Variants in GNAO1 observed in about 807,000 individuals in gnomAD.
GNAO1 encodes G protein subunit alpha o1.
For missense variants in GNAO1, 166 were observed against 478.7 expected (o/e 0.35, Z 6.10); for synonymous variants, 164 against 180.7 (o/e 0.91, Z 0.74).
chr16:56,263,067 G>A (rs1006837279), intron 2 of GNAO1, among the ~76,000 whole-genome samples: 7 of 152,342 alleles, frequency 4.6e-5, no homozygotes, highest in Admixed American at 3.3e-4. Context: ...TGAAGGAGGG[G>A]AACCCATGCC....
chr16:56,197,718 G>C (rs2036246563), intron 2 of GNAO1, among the ~76,000 whole-genome samples: 1 of 152,220 alleles, frequency 6.6e-6, no homozygotes, highest in African/African-American at 2.4e-5. Flanking sequence ...CAGAGTGGGA[G>C]TGTGTCTTGT....
At chr16:56,280,732 A>G (rs1176115344) in intron 3 of GNAO1, among the ~76,000 whole-genome samples, 1 of 152,142 alleles carries the variant, frequency 6.6e-6, no homozygotes, top group African/African-American at 2.4e-5. Flanking sequence ...GGGCCTGGTG[A>G]TTAATTGGCT....
chr16:56,192,735 C>CAT, intron 2 of GNAO1, 119 bp downstream of exon 2: 1 of 672,656 alleles, frequency 1.5e-6, no homozygotes, highest in Non-Finnish European at 2.7e-6. Context: ...TGCACACACA[C>CAT]ACACACACAC....
intron 2 of GNAO1, among the ~76,000 whole-genome samples, chr16:56,211,933 T>C (rs1422580605): frequency 1.3e-5 from 2 of 152,086 alleles, no homozygotes; most frequent in Admixed American, 1.3e-4. Context: ...CTTCACAGGG[T>C]GACTGTAAAT....
At chr16:56,345,678 G>C (rs746980962) in intron 6 of GNAO1, 50 of 985,566 alleles carry the variant, frequency 5.1e-5, no homozygotes, top group Non-Finnish European at 5.8e-5. Flanking sequence ...GGACGTGGCA[G>C]AGGACAGGCC....
At position 56,276,050 on chromosome 16, in the gene GNAO1, A is replaced by C; in HGVS notation, c.281A>C (p.Glu94Ala). ...CGGGCCATGGACACTTTGGGCATCG[A>C]ATATGGTGATAAGGAGAGAAAGGTA... is the stretch of plus-strand genomic sequence containing the variant. ...IVRAMDTLGI[E>A]YGDKERKADA... is the part of the protein sequence containing the mutation. The change falls in exon 3 of 9, where the codon GAA (glutamate) becomes GCA (alanine). Residue 94 changes from glutamate (E) to alanine (A), a missense_variant. By Grantham distance (107) the Glu-to-Ala change is moderately radical (BLOSUM62 -1). Coordinates refer to ENST00000262493, the MANE Select transcript of GNAO1 (RefSeq NM_020988.3). The C allele has an allele frequency of 6.2e-7, 1 of 1,614,024 alleles. No individual in the cohort carries two copies. The highest frequency in any genetic ancestry group is 8.5e-7 in the Non-Finnish European group (1 of 1,179,946).
intron 2 of GNAO1, among the ~76,000 whole-genome samples, chr16:56,195,713 G>T (rs1307724507): frequency 2.0e-5 from 3 of 152,184 alleles, no homozygotes; most frequent in Non-Finnish European, 4.4e-5. Flanking sequence ...ATTTCCTAAT[G>T]GGGGGCTGCA....
At chr16:56,341,008 A>G in intron 6 of GNAO1, 1 of 1,606,496 alleles carries the variant, frequency 6.2e-7, no homozygotes. Flanking sequence ...CTCCAGGGAC[A>G]GCAGGCCCCC....
intron 2 of GNAO1, among the ~76,000 whole-genome samples, chr16:56,204,935 T>A (rs187747396): frequency 5.6e-4 from 85 of 152,310 alleles, no homozygotes; most frequent in Non-Finnish European, 1.1e-3. Context: ...CTTGAGGTCA[T>A]AATTTATATC....
intron 6 of GNAO1, chr16:56,341,111 C>T (rs1567491507): frequency 1.3e-6 from 1 of 757,874 alleles, no homozygotes; most frequent in Non-Finnish European, 2.2e-6. Context: ...CACAAACGGT[C>T]CCCCACCCTG....
At chr16:56,198,726 G>T (rs201026927) in intron 2 of GNAO1, among the ~76,000 whole-genome samples, 1 of 152,290 alleles carries the variant, frequency 6.6e-6, no homozygotes, top group East Asian at 1.9e-4. Flanking sequence ...ACAAATGTTA[G>T]CTCTAGTTTT....
intron 2 of GNAO1, among the ~76,000 whole-genome samples, chr16:56,207,847 A>T (rs1189381185): frequency 6.6e-6 from 1 of 152,238 alleles, no homozygotes. Flanking sequence ...TGCAAAATGT[A>T]CATTAATCTT....
At chr16:56,193,920 A>G (rs2036205937) in intron 2 of GNAO1, 2 of 358,764 alleles carry the variant, frequency 5.6e-6, no homozygotes, top group East Asian at 1.5e-4. Flanking sequence ...TTATTTTTCA[A>G]CTTGACACAA....
At chr16:56,317,613 T>C (rs1293888388) in intron 3 of GNAO1, among the ~76,000 whole-genome samples, 1 of 151,864 alleles carries the variant, frequency 6.6e-6, no homozygotes, top group African/African-American at 2.4e-5. Flanking sequence ...TGTGAGTGGA[T>C]GGATGAACTG....
chr16:56,316,394 G>A (rs1455518454), intron 3 of GNAO1, among the ~76,000 whole-genome samples: 5 of 152,184 alleles, frequency 3.3e-5, no homozygotes, highest in East Asian at 1.9e-4. Context: ...CAACCTGGCC[G>A]AGAGGCTGTC....
chr16:56,235,695 A>T (rs1383526955), intron 2 of GNAO1, among the ~76,000 whole-genome samples: 1 of 152,184 alleles, frequency 6.6e-6, no homozygotes. Context: ...TGCAGCCAAC[A>T]GCCTCTGTGT....
chr16:56,334,947 A>G (rs2037726482), intron 5 of GNAO1, 90 bp downstream of exon 5: 1 of 1,385,004 alleles, frequency 7.2e-7, no homozygotes, highest in Admixed American at 1.8e-5. Context: ...GCGCCCAAAC[A>G]TCATCCTGCC....
At chr16:56,275,827 G>A (rs2143520575) in intron 2 of GNAO1, 104 bp from the exon 3 acceptor site, 6 of 914,720 alleles carry the variant, frequency 6.6e-6, no homozygotes, top group Non-Finnish European at 7.7e-6. Flanking sequence ...TCAGCATCTC[G>A]GCTGGACCTG....
At chr16:56,253,437 T>C (rs1465934266) in intron 2 of GNAO1, among the ~76,000 whole-genome samples, 2 of 152,262 alleles carry the variant, frequency 1.3e-5, no homozygotes, top group Non-Finnish European at 2.9e-5. Context: ...ATCTTTATTC[T>C]TTCTTCTTAA....
Sources: allele counts gnomAD v4.1 joint callset (sites outside exome capture counted in the v4.1 genomes callset), GRCh38; gene constraint gnomAD v4.1.1; transcripts MANE v1.5; gene names NCBI Gene and HGNC (gene_info 2026-07-23, HGNC 2026-07-21).